The following FRMD4B variants were observed in gnomAD, a reference collection of about 807,000 sequenced individuals.
The protein encoded by FRMD4B is FERM domain-containing protein 4B.
In FRMD4B, 74 loss-of-function variants were observed where a neutral mutation model predicts 141.5. The ratio of observed to expected loss-of-function variants is 0.52; its 90% CI spans 0.43 to 0.63. The LOEUF is 0.63. FRMD4B is among the 30% of genes least tolerant of loss of function. The pLI is 0.00. For missense variants in FRMD4B, 1,366 were observed against 1,253.4 expected (o/e 1.09, Z -1.36); for synonymous variants, 506 against 467.9 (o/e 1.08, Z -1.05).
At chr3:69,459,005 A>C (rs1705663951) in intron 1 of FRMD4B, among the ~76,000 whole-genome samples, 1 of 152,144 alleles carries the variant, frequency 6.6e-6, no homozygotes, top group African/African-American at 2.4e-5. Context: ...GATCCTTACA[A>C]ACCTCTAGGG....
chr3:69,246,970 T>C (rs2093429742), intron 7 of FRMD4B, among the ~76,000 whole-genome samples: 1 of 152,214 alleles, frequency 6.6e-6, no homozygotes. Flanking sequence ...GGAAGGTTTG[T>C]GAAATTACCC....
chr3:69,396,464 C>CA (rs1213995970), intron 2 of FRMD4B, among the ~76,000 whole-genome samples: 1 of 151,698 alleles, frequency 6.6e-6, no homozygotes, highest in Non-Finnish European at 1.5e-5. Context: ...GTGATGGCAT[C>CA]ACTGCACTTT....
At chr3:69,539,848 T>TGC (rs2107177954) in intron 1 of FRMD4B, among the ~76,000 whole-genome samples, 1 of 152,268 alleles carries the variant, frequency 6.6e-6, no homozygotes, top group East Asian at 1.9e-4. Flanking sequence ...ACAGTGTGTG[T>TGC]GTGTGTGTGT....
chr3:69,525,649 CT>C (rs960806296), intron 1 of FRMD4B, among the ~76,000 whole-genome samples: 3 of 151,422 alleles, frequency 2.0e-5, no homozygotes, highest in East Asian at 1.9e-4. Context: ...TGTCTCTAAT[CT>C]TTTTTTTTCT....
At chr3:69,190,668 G>T (rs760082866) in intron 17 of FRMD4B, among the ~76,000 whole-genome samples, 10 of 152,142 alleles carry the variant, frequency 6.6e-5, no homozygotes, top group Non-Finnish European at 1.5e-4. Context: ...GCCTACCTAG[G>T]CCTCCCAAAG....
chr3:69,318,475 A>C (rs1373447794), intron 1 of FRMD4B, among the ~76,000 whole-genome samples: 1 of 152,182 alleles, frequency 6.6e-6, no homozygotes, highest in Non-Finnish European at 1.5e-5. Flanking sequence ...AGGGGGCATG[A>C]ACAAACACCT....
intron 1 of FRMD4B, among the ~76,000 whole-genome samples, chr3:69,319,991 G>A (rs561785647): frequency 5.9e-5 from 9 of 152,232 alleles, no homozygotes; most frequent in South Asian, 4.1e-4. Flanking sequence ...TTAGAACTGC[G>A]GAATTTATAA....
chr3:69,451,025 T>C (rs995057168), intron 1 of FRMD4B, among the ~76,000 whole-genome samples: 2 of 152,180 alleles, frequency 1.3e-5, no homozygotes, highest in African/African-American at 4.8e-5. Context: ...GCTGCGGCCA[T>C]ATCCTAATGA....
At position 69,385,835 on chromosome 3, in the gene FRMD4B, A is replaced by T. The variant is rs757542776; in HGVS notation, c.155T>A (p.Val52Glu). 6.3e-7 allele frequency: 1 copy of T among 1,578,218 alleles called. No individual in the cohort carries two copies. Among genetic ancestry groups the T allele is most frequent in the Non-Finnish European group, 8.6e-7 (1 of 1,161,862 alleles). The change falls in exon 1 of 23, where the codon GTG (valine) becomes GAG (glutamate). Residue 52 changes from valine to glutamate, a missense_variant. Transcript: ENST00000398540. Reference sequence around the variant, plus strand: ...CCGCGCGCTCCAGCTCACCTGGTACACGTCCTGCAGCCCGCACCACGTCCG... The same window carrying T: ...CCGCGCGCTCCAGCTCACCTGGTACTCGTCCTGCAGCCCGCACCACGTCCG... ...VLRTWCGLQD[V>E]YQMTEGRHCQ...
At chr3:69,395,013 T>C (rs533169284) in intron 2 of FRMD4B, among the ~76,000 whole-genome samples, 19 of 151,912 alleles carry the variant, frequency 1.3e-4, no homozygotes, top group African/African-American at 4.6e-4. Flanking sequence ...CCGGGGCTTG[T>C]CGGGGGTGGA....
chr3:69,439,136 T>C (rs1480142868), intron 1 of FRMD4B, among the ~76,000 whole-genome samples: 1 of 152,096 alleles, frequency 6.6e-6, no homozygotes, highest in Non-Finnish European at 1.5e-5. Flanking sequence ...TTATAAAGAG[T>C]ATTATGCTGC....
chr3:69,354,636 T>G (rs1212918145), intron 1 of FRMD4B, among the ~76,000 whole-genome samples: 1 of 152,128 alleles, frequency 6.6e-6, no homozygotes, highest in Non-Finnish European at 1.5e-5. Flanking sequence ...AAGAGATAGT[T>G]CATGCAAAGC....
rs185890551 is a variant in FRMD4B at position 69,498,665 on chromosome 3, T to C, written c.-129+43541A>G. Among the ~76,000 whole-genome samples, 297 of 152,316 alleles carry C rather than the reference T, an allele frequency of 1.9e-3. 1 individual carries two copies. Among genetic ancestry groups the C allele is most frequent in the South Asian group, 4.1e-3 (20 of 4,826 alleles). Reference sequence around the variant, plus strand: ...TCATAGCTTAGAACTCTACAACATATAACTGTTAAGAGTTATAAGAGTAAA... The same window carrying C: ...TCATAGCTTAGAACTCTACAACATACAACTGTTAAGAGTTATAAGAGTAAA... On this transcript the variant is annotated intron_variant, in intron 1 of 5. Coordinates refer to the FRMD4B transcript ENST00000459638.
intron 1 of FRMD4B, among the ~76,000 whole-genome samples, chr3:69,477,464 T>C (rs1706022732): frequency 6.6e-6 from 1 of 151,602 alleles, no homozygotes; most frequent in African/African-American, 2.4e-5. Context: ...GAGATAAGCA[T>C]GTGGTTTTTG....
intron 1 of FRMD4B, among the ~76,000 whole-genome samples, chr3:69,318,563 A>T (rs1701880429): frequency 1.3e-5 from 2 of 152,196 alleles, no homozygotes; most frequent in South Asian, 2.1e-4. Context: ...CACCAGGGTT[A>T]CATGTCCGCG....
At chr3:69,493,562 G>C (rs150974335) in intron 1 of FRMD4B, among the ~76,000 whole-genome samples, 282 of 152,334 alleles carry the variant, frequency 1.9e-3, no homozygotes, top group African/African-American at 6.7e-3. Flanking sequence ...GGTCCCAGAA[G>C]TTTGACCACT....
At chr3:69,269,866 C>G in intron 5 of FRMD4B, among the ~76,000 whole-genome samples, 1 of 152,222 alleles carries the variant, frequency 6.6e-6, no homozygotes, top group East Asian at 1.9e-4. Flanking sequence ...GCGATCTGCC[C>G]GCCTCAGCCT....
chr3:69,241,836 T>A (rs1326378544), intron 7 of FRMD4B, among the ~76,000 whole-genome samples: 1 of 151,846 alleles, frequency 6.6e-6, no homozygotes, highest in Admixed American at 6.6e-5. Context: ...ACCACTGCAC[T>A]CCAGCCTGGG....
At chr3:69,286,685 C>T (rs914796270) in intron 5 of FRMD4B, among the ~76,000 whole-genome samples, 3 of 152,180 alleles carry the variant, frequency 2.0e-5, no homozygotes, top group Admixed American at 6.5e-5. Context: ...ATCTCTTGGC[C>T]CATGGCTTCC....
Sources: gnomAD v4.1 joint callset for allele counts (sites outside exome capture counted in the v4.1 genomes callset) on GRCh38, gnomAD v4.1.1 for gene constraint, MANE v1.5 for transcripts, NCBI Gene and HGNC (gene_info 2026-07-23, HGNC 2026-07-21) for gene names.